Variants in GSTCD observed in about 807,000 individuals in gnomAD.
GSTCD encodes the protein glutathione S-transferase C-terminal domain containing.
Under a neutral mutation model 68.3 loss-of-function variants are expected in GSTCD, and 44 were observed. The observed-to-expected ratio is 0.64, with a 90% CI of 0.51 to 0.83. The LOEUF (loss-of-function observed/expected upper bound fraction) is 0.83. Ranked by LOEUF, GSTCD falls within the 40% of genes least tolerant of loss-of-function variation. The pLI, the probability that GSTCD is intolerant of heterozygous loss-of-function variation, is 0.00. For missense variants in GSTCD, 739 were observed against 735.9 expected (o/e 1.00, Z -0.05); for synonymous variants, 273 against 255.2 (o/e 1.07, Z -0.67).
intron 1 of GSTCD, chr4:105,712,455 C>T (rs1732566402): frequency 6.6e-6 from 1 of 152,174 alleles, no homozygotes; most frequent in South Asian, 2.1e-4. Context: ...AAAGGGATAG[C>T]TAGGGTCACA....
chr4:105,727,859 A>T (rs1018549912), intron 4 of GSTCD, among the ~76,000 whole-genome samples: 2 of 152,230 alleles, frequency 1.3e-5, no homozygotes, highest in African/African-American at 4.8e-5. Flanking sequence ...ATTTATTTGA[A>T]TAGAGAATTC....
intron 5 of GSTCD, among the ~76,000 whole-genome samples, chr4:105,733,438 T>G (rs1366564094): frequency 6.6e-6 from 1 of 152,258 alleles, no homozygotes; most frequent in East Asian, 1.9e-4. Context: ...TTTACCATTA[T>G]GTAATGGCCT....
intron 5 of GSTCD, among the ~76,000 whole-genome samples, chr4:105,738,688 C>T (rs530263791): frequency 1.3e-5 from 2 of 151,738 alleles, no homozygotes; most frequent in Admixed American, 6.6e-5. Flanking sequence ...GATTTTGTAT[C>T]CTGCAGTTTG....
chr4:105,823,939 A>G (rs924849206), intron 7 of GSTCD, among the ~76,000 whole-genome samples: 6 of 152,330 alleles, frequency 3.9e-5, no homozygotes, highest in South Asian at 2.1e-4. Flanking sequence ...AATGTATTCA[A>G]TCATTGCCAC....
intron 10 of GSTCD, among the ~76,000 whole-genome samples, chr4:105,838,504 A>G (rs912174853): frequency 4.6e-5 from 7 of 152,254 alleles, no homozygotes; most frequent in Non-Finnish European, 8.8e-5. Flanking sequence ...CTTTAAATAT[A>G]TAAAAACTTT....
chr4:105,824,030 A>G (rs897067580), intron 7 of GSTCD, among the ~76,000 whole-genome samples: 9 of 152,142 alleles, frequency 5.9e-5, no homozygotes, highest in Admixed American at 5.2e-4. Context: ...TTAGCATAAA[A>G]TTCTGTTTGT....
At chr4:105,816,604 A>G (rs1200406248) in intron 5 of GSTCD, among the ~76,000 whole-genome samples, 1 of 152,102 alleles carries the variant, frequency 6.6e-6, no homozygotes, top group East Asian at 1.9e-4. Flanking sequence ...TTGACTCTGA[A>G]TAATTAAATT....
At position 105,772,932 on chromosome 4, in the gene GSTCD, G is replaced by A. The variant is rs185527890; in HGVS notation, c.1240+43433G>A. 4.6e-5 allele frequency among the ~76,000 whole-genome samples: 7 copies of A among 152,274 alleles called. 1 individual carries two copies. Among genetic ancestry groups the A allele is most frequent in the Non-Finnish European group, 2.9e-5 (2 of 68,020 alleles). ...GTTTGCAATAGTTTCAGAAGGAATA[G>A]TACCAGCTTCTCTTTGTACCTCTGG... On this transcript the variant is annotated intron_variant, in intron 5 of 11. Transcript: ENST00000515279.
intron 8 of GSTCD, among the ~76,000 whole-genome samples, chr4:105,832,739 A>G (rs2149282545): frequency 6.6e-6 from 1 of 152,368 alleles, no homozygotes; most frequent in South Asian, 2.1e-4. Context: ...CACCCAGCAC[A>G]GCATAGTGCC....
chr4:105,787,726 G>T (rs1735517726), intron 5 of GSTCD, among the ~76,000 whole-genome samples: 1 of 151,892 alleles, frequency 6.6e-6, no homozygotes, highest in Non-Finnish European at 1.5e-5. Flanking sequence ...AAAAAGACAT[G>T]AGCTAATGAG....
intron 9 of GSTCD, among the ~76,000 whole-genome samples, chr4:105,836,525 G>A (rs1269172398): frequency 1.3e-5 from 2 of 152,086 alleles, no homozygotes; most frequent in South Asian, 2.1e-4. Flanking sequence ...TGGCACCCAG[G>A]CTGTTTGTGC....
intron 5 of GSTCD, among the ~76,000 whole-genome samples, chr4:105,775,397 G>A (rs753326768): frequency 5.9e-5 from 9 of 152,100 alleles, no homozygotes; most frequent in African/African-American, 7.2e-5. Context: ...CCTTGCTGGC[G>A]AGTTGTGATC....
At chr4:105,780,509 C>T (rs1015212690) in intron 5 of GSTCD, among the ~76,000 whole-genome samples, 2 of 152,156 alleles carry the variant, frequency 1.3e-5, no homozygotes, top group African/African-American at 4.8e-5. Context: ...CATATAAGAA[C>T]TGACTGAACA....
chr4:105,729,200 TA>T (rs575036814), intron 4 of GSTCD, among the ~76,000 whole-genome samples: 20 of 152,208 alleles, frequency 1.3e-4, no homozygotes, highest in African/African-American at 4.3e-4. Flanking sequence ...ATCACAATAT[TA>T]AAAAATAGGA....
At chr4:105,804,215 G>A (rs1305180546) in intron 5 of GSTCD, among the ~76,000 whole-genome samples, 1 of 151,656 alleles carries the variant, frequency 6.6e-6, no homozygotes, top group East Asian at 1.9e-4. Context: ...ATAAACAGAT[G>A]GCTATATCAG....
chr4:105,820,933 TC>T (rs1723254234), intron 5 of GSTCD: 1 of 151,874 alleles, frequency 6.6e-6, no homozygotes, highest in African/African-American at 2.4e-5. Flanking sequence ...ATAATTTTTT[TC>T]CTATCTCCTT....
intron 5 of GSTCD, among the ~76,000 whole-genome samples, chr4:105,769,223 A>G (rs1315561100): frequency 9.6e-6 from 1 of 104,240 alleles, no homozygotes; most frequent in African/African-American, 3.8e-5. Context: ...AAAATATACT[A>G]TACACGCGCG....
chr4:105,744,786 G>A (rs1165563952), intron 5 of GSTCD, among the ~76,000 whole-genome samples: 1 of 152,178 alleles, frequency 6.6e-6, no homozygotes, highest in Non-Finnish European at 1.5e-5. Flanking sequence ...TACTAGAGAA[G>A]AGCATTTAGA....
intron 4 of GSTCD, among the ~76,000 whole-genome samples, chr4:105,728,243 A>C (rs1018112724): frequency 6.6e-6 from 1 of 152,226 alleles, no homozygotes; most frequent in Non-Finnish European, 1.5e-5. Flanking sequence ...TGTGAATATT[A>C]TAAAAACCAC....
Sources: gnomAD v4.1 joint callset for allele counts (sites outside exome capture counted in the v4.1 genomes callset) on GRCh38, gnomAD v4.1.1 for gene constraint, MANE v1.5 for transcripts, NCBI Gene and HGNC (gene_info 2026-07-23, HGNC 2026-07-21) for gene names.